Variants in CFAP221 observed in about 807,000 individuals in gnomAD.
CFAP221 encodes cilia- and flagella-associated protein 221.
In CFAP221, 97 loss-of-function variants were observed where a neutral mutation model predicts 113.1. That is an observed-to-expected ratio of 0.86 (90% CI 0.73 to 1.02). The LOEUF (loss-of-function observed/expected upper bound fraction) is 1.02. Among genes scored for constraint, CFAP221 ranks in the 50% least tolerant of loss-of-function variants. The pLI is 0.00. For synonymous variants in CFAP221, 331 were observed against 354.4 expected (o/e 0.93, Z 0.74); for missense variants, 1,025 against 1,013.4 (o/e 1.01, Z -0.16).
chr2:119,569,098 A>AT (rs1681857336), intron 6 of CFAP221, among the ~76,000 whole-genome samples: 1 of 144,440 alleles, frequency 6.9e-6, no homozygotes, highest in Non-Finnish European at 1.5e-5. Flanking sequence ...TCTACTGGGA[A>AT]ATTTTTTTTT....
intron 14 of CFAP221, among the ~76,000 whole-genome samples, chr2:119,624,708 A>G (rs1169088676): frequency 2.6e-5 from 4 of 152,232 alleles, no homozygotes; most frequent in African/African-American, 9.7e-5. Flanking sequence ...GGATGAGTTC[A>G]TGTCCTTTGC....
chr2:119,572,101 G>C (rs923415050), intron 6 of CFAP221, among the ~76,000 whole-genome samples: 3 of 152,276 alleles, frequency 2.0e-5, no homozygotes, highest in African/African-American at 7.2e-5. Context: ...CATTTTCAGT[G>C]GCTGGATTTG....
intron 6 of CFAP221, among the ~76,000 whole-genome samples, chr2:119,572,153 GCA>G (rs1396107903): frequency 4.6e-5 from 7 of 152,154 alleles, no homozygotes; most frequent in Non-Finnish European, 1.0e-4. Context: ...TTCTATGTGG[GCA>G]CTTGCCAGCC....
intron 19 of CFAP221, among the ~76,000 whole-genome samples, chr2:119,635,735 G>C (rs1687072327): frequency 6.6e-6 from 1 of 152,160 alleles, no homozygotes; most frequent in African/African-American, 2.4e-5. Flanking sequence ...CCTAAGGAAG[G>C]AAAAGAAATA....
chr2:119,640,915 G>A (rs893194030), intron 21 of CFAP221, among the ~76,000 whole-genome samples: 2 of 152,194 alleles, frequency 1.3e-5, no homozygotes, highest in Non-Finnish European at 2.9e-5. Flanking sequence ...GTAAGACAAG[G>A]GGATTGGACT....
intron 7 of CFAP221, among the ~76,000 whole-genome samples, chr2:119,588,287 C>T (rs1683356382): frequency 6.6e-6 from 1 of 152,068 alleles, no homozygotes; most frequent in Non-Finnish European, 1.5e-5. Flanking sequence ...GGTCAGCGTG[C>T]AGGTTTACAG....
intron 6 of CFAP221, among the ~76,000 whole-genome samples, chr2:119,577,705 A>G (rs1280820794): frequency 6.6e-6 from 1 of 152,224 alleles, no homozygotes; most frequent in Non-Finnish European, 1.5e-5. Flanking sequence ...TAGATGACAT[A>G]TAAGCACAAC....
At chr2:119,570,046 T>C (rs1450451875) in intron 6 of CFAP221, among the ~76,000 whole-genome samples, 1 of 152,258 alleles carries the variant, frequency 6.6e-6, no homozygotes, top group Non-Finnish European at 1.5e-5. Context: ...GTATGTCTTG[T>C]AATTTTTCCT....
intron 15 of CFAP221, among the ~76,000 whole-genome samples, chr2:119,626,960 C>T (rs189375199): frequency 6.9e-4 from 104 of 151,756 alleles, no homozygotes; most frequent in African/African-American, 2.4e-3. Context: ...GAATTCCAAT[C>T]CTCTGATGCC....
At chr2:119,655,922 C>T (rs1029903523) in intron 23 of CFAP221, 7 of 167,298 alleles carry the variant, frequency 4.2e-5, no homozygotes, top group Admixed American at 3.5e-4. Context: ...CTGAGGTGCT[C>T]ACTCTTCTGG....
chr2:119,602,350 G>T (rs1213641939), intron 8 of CFAP221, among the ~76,000 whole-genome samples: 1 of 152,158 alleles, frequency 6.6e-6, no homozygotes, highest in East Asian at 1.9e-4. Context: ...ACTCCAGCCT[G>T]GGTGCCAGAG....
At chr2:119,631,097 G>T in intron 19 of CFAP221, 196 bp downstream of exon 19, 1 of 1,244,386 alleles carries the variant, frequency 8.0e-7, no homozygotes, top group Non-Finnish European at 1.0e-6. Flanking sequence ...AGCAATTCCT[G>T]CATTTTTAAT....
chr2:119,566,424 T>A (rs1381091711), intron 6 of CFAP221, among the ~76,000 whole-genome samples: 1 of 152,176 alleles, frequency 6.6e-6, no homozygotes, highest in African/African-American at 2.4e-5. Flanking sequence ...CAGTCTCACC[T>A]TTGGTCTCCT....
In CFAP221 at chr2:119,615,662, C is replaced by T; in HGVS notation, c.1363C>T (p.Leu455Phe). 2 of 1,613,116 alleles carry T rather than the reference C, an allele frequency of 1.2e-6. No homozygotes were observed. Among genetic ancestry groups the T allele is most frequent in the Non-Finnish European group, 1.7e-6 (2 of 1,179,584 alleles). Residue 455 changes from leucine to phenylalanine, a missense_variant, in exon 14 of 24, where the codon CTC becomes TTC. Leu to Phe is a conservative substitution (Grantham distance 22). Coordinates refer to ENST00000413369, the MANE Select transcript of CFAP221 (RefSeq NM_001271049.2). ...TFDPLINNTW[L>F]SRSRAQKRFQ... The stretch of plus-strand genomic sequence containing the variant: ...TGATCCACTCATTAATAACACTTGG[C>T]TCAGCAGGTCCAGGGCACAAAAACG...
intron 6 of CFAP221, among the ~76,000 whole-genome samples, chr2:119,567,164 C>T (rs763296572): frequency 6.6e-6 from 1 of 152,184 alleles, no homozygotes; most frequent in Admixed American, 6.5e-5. Flanking sequence ...TTAGGGTTCA[C>T]TCTTGGTGCT....
chr2:119,563,078 G>T (rs1367706591), intron 6 of CFAP221, among the ~76,000 whole-genome samples: 1 of 151,896 alleles, frequency 6.6e-6, no homozygotes, highest in African/African-American at 2.4e-5. Flanking sequence ...TGCTAGAGCC[G>T]AGGAGTTTGA....
At chr2:119,575,375 C>T (rs1006294338) in intron 6 of CFAP221, among the ~76,000 whole-genome samples, 2 of 152,164 alleles carry the variant, frequency 1.3e-5, no homozygotes, top group Non-Finnish European at 2.9e-5. Flanking sequence ...AATCTCCTTC[C>T]TCACCCCACC....
At chr2:119,612,530 G>C (rs1011898431) in intron 13 of CFAP221, among the ~76,000 whole-genome samples, 1 of 152,174 alleles carries the variant, frequency 6.6e-6, no homozygotes, top group African/African-American at 2.4e-5. Flanking sequence ...CCATGATTCA[G>C]TTATCTCTAC....
chr2:119,559,662 C>T (rs867982970), intron 3 of CFAP221, 27 bp from the exon 4 acceptor site: 1 of 1,476,784 alleles, frequency 6.8e-7, no homozygotes, highest in Non-Finnish European at 9.1e-7. Context: ...CGTGTATTTC[C>T]TCTAAATACT....
Sources: gnomAD v4.1 joint callset for allele counts (sites outside exome capture counted in the v4.1 genomes callset) on GRCh38, gnomAD v4.1.1 for gene constraint, MANE v1.5 for transcripts, NCBI Gene and HGNC (gene_info 2026-07-23, HGNC 2026-07-21) for gene names.